The following CPA6 variants were observed in gnomAD, a reference collection of about 807,000 sequenced individuals.
CPA6 encodes the protein carboxypeptidase A6, also known as carboxypeptidase B.
A neutral mutation model predicts 63.3 loss-of-function variants in CPA6; 58 were observed. The observed-to-expected ratio is 0.92, with a 90% confidence interval of 0.74 to 1.14. The LOEUF (loss-of-function observed/expected upper bound fraction) is 1.14. Among genes scored for constraint, CPA6 ranks in the 50% most tolerant of loss-of-function variants. The pLI is 0.00. For missense variants in CPA6, 565 were observed against 526.6 expected (o/e 1.07, Z -0.71); for synonymous variants, 185 against 179.0 (o/e 1.03, Z -0.27).
At chr8:67,639,701 G>T (rs1178538622) in intron 1 of CPA6, among the ~76,000 whole-genome samples, 1 of 151,602 alleles carries the variant, frequency 6.6e-6, no homozygotes, top group Non-Finnish European at 1.5e-5. Flanking sequence ...CACCCACAAC[G>T]TGGTGAGCAA....
intron 2 of CPA6, among the ~76,000 whole-genome samples, chr8:67,601,915 A>G (rs1166484410): frequency 3.9e-5 from 6 of 152,186 alleles, no homozygotes; most frequent in Non-Finnish European, 5.9e-5. Context: ...ACTTTCTATC[A>G]TGTTCTTCCT....
intron 2 of CPA6, among the ~76,000 whole-genome samples, chr8:67,594,176 GA>G (rs1814222020): frequency 6.6e-6 from 1 of 152,162 alleles, no homozygotes; most frequent in Admixed American, 6.5e-5. Flanking sequence ...ATTCTGGGTT[GA>G]AAATTCTTTT....
At chr8:67,443,134 C>CT (rs749432603) in intron 8 of CPA6, among the ~76,000 whole-genome samples, 1 of 151,644 alleles carries the variant, frequency 6.6e-6, no homozygotes, top group Non-Finnish European at 1.5e-5. Context: ...ATGATCTTGG[C>CT]TCACTGCAAC....
chr8:67,737,898 T>A (rs1405796482), intron 1 of CPA6, among the ~76,000 whole-genome samples: 2 of 152,218 alleles, frequency 1.3e-5, no homozygotes, highest in Non-Finnish European at 2.9e-5. Flanking sequence ...GTGCTAGCTC[T>A]GCCAATCCTT....
chr8:67,440,763 T>C (rs940505387), intron 8 of CPA6, among the ~76,000 whole-genome samples: 4 of 152,066 alleles, frequency 2.6e-5, no homozygotes, highest in African/African-American at 9.7e-5. Flanking sequence ...TATTTGTGTA[T>C]CTAAACATGG....
At chr8:67,679,962 G>A (rs1302053692) in intron 1 of CPA6, among the ~76,000 whole-genome samples, 1 of 152,104 alleles carries the variant, frequency 6.6e-6, no homozygotes, top group Non-Finnish European at 1.5e-5. Context: ...GTTTTTCATG[G>A]TAGCCATGGA....
intron 2 of CPA6, among the ~76,000 whole-genome samples, chr8:67,531,230 T>C (rs1472378483): frequency 3.9e-5 from 6 of 151,980 alleles, no homozygotes; most frequent in African/African-American, 1.4e-4. Context: ...ATGTAAGGTA[T>C]CTAGAAAGCA....
chr8:67,599,021 T>C (rs1400116067), intron 2 of CPA6, among the ~76,000 whole-genome samples: 1 of 152,194 alleles, frequency 6.6e-6, no homozygotes, highest in Non-Finnish European at 1.5e-5. Flanking sequence ...ATTATTATAA[T>C]ACTTAATATT....
rs541593272 is a variant in CPA6 at position 67,679,959 on chromosome 8, A to T, written c.117-55708T>A. 2.6e-5 allele frequency among the ~76,000 whole-genome samples: 4 copies of T among 152,276 alleles called. No homozygotes were observed. The East Asian group carries it at 5.8e-4, about 22-fold the overall frequency. On this transcript the variant is annotated intron_variant, in intron 1 of 10. Transcript: ENST00000297770. ...TATTAGGAGCTGTGTATCGTTTTTC[A>T]TGGTAGCCATGGAGGATGAGGCACA...
intron 1 of CPA6, among the ~76,000 whole-genome samples, chr8:67,695,693 C>T (rs1816900751): frequency 6.6e-6 from 1 of 152,192 alleles, no homozygotes; most frequent in Admixed American, 6.5e-5. Context: ...GGTGAAATGG[C>T]ATTTTGAAGA....
Position 67,617,113 on chromosome 8 carries a change from C to G in CPA6, c.192+7063G>C, listed in dbSNP as rs188477732. On this transcript the variant is annotated intron_variant, in intron 2 of 10. Transcript: ENST00000297770. ...AAAGAAACACGATCAGCTTAAAATA[C>G]TACTGCATAAGCCGAAGGTCATGTC... Among the ~76,000 whole-genome samples, 13 of 152,298 alleles carry G rather than the reference C, an allele frequency of 8.5e-5. No individual in the cohort carries two copies. In the East Asian group the frequency reaches 2.5e-3, roughly 29 times the overall value.
chr8:67,648,259 T>TA (rs1491144685), intron 1 of CPA6, among the ~76,000 whole-genome samples: 1 of 21,404 alleles, frequency 4.7e-5, no homozygotes, highest in Non-Finnish European at 8.3e-5. Flanking sequence ...CTAGATTAGG[T>TA]TTTTTTTTTT....
At chr8:67,575,744 G>A (rs527878856) in intron 2 of CPA6, among the ~76,000 whole-genome samples, 2 of 151,962 alleles carry the variant, frequency 1.3e-5, no homozygotes, top group African/African-American at 2.4e-5. Context: ...TGTAATCCCA[G>A]CTACCTGGGA....
chr8:67,525,071 G>T (rs1364496182), intron 2 of CPA6, among the ~76,000 whole-genome samples: 1 of 152,094 alleles, frequency 6.6e-6, no homozygotes, highest in Non-Finnish European at 1.5e-5. Flanking sequence ...CTTATGACTT[G>T]CCAACATTTC....
At chr8:67,658,221 G>A (rs1417319090) in intron 1 of CPA6, among the ~76,000 whole-genome samples, 1 of 152,066 alleles carries the variant, frequency 6.6e-6, no homozygotes, top group Non-Finnish European at 1.5e-5. Context: ...TCTGAGGTTT[G>A]CCACTGCTTT....
At chr8:67,580,428 C>T (rs1813741520) in intron 2 of CPA6, among the ~76,000 whole-genome samples, 1 of 152,184 alleles carries the variant, frequency 6.6e-6, no homozygotes, top group Non-Finnish European at 1.5e-5. Context: ...TGTTGAGATG[C>T]TTCCAGACTA....
chr8:67,605,531 C>CT (rs68153641), intron 2 of CPA6, among the ~76,000 whole-genome samples: 5,056 of 125,138 alleles, frequency 0.04, 171 homozygotes, highest in Non-Finnish European at 0.058. Context: ...TATTGTATTG[C>CT]TTTTTTTTTT....
intron 6 of CPA6, among the ~76,000 whole-genome samples, chr8:67,500,298 C>T (rs998719379): frequency 1.3e-5 from 2 of 152,148 alleles, no homozygotes; most frequent in Non-Finnish European, 2.9e-5. Flanking sequence ...CCAACGACAT[C>T]TTTTTTGCGT....
intron 1 of CPA6, among the ~76,000 whole-genome samples, chr8:67,727,480 C>T (rs1291632863): frequency 6.6e-6 from 1 of 152,154 alleles, no homozygotes; most frequent in Non-Finnish European, 1.5e-5. Flanking sequence ...GCCTCTGGAA[C>T]TTCCCTTATC....
Sources: gnomAD v4.1 joint callset for allele counts (sites outside exome capture counted in the v4.1 genomes callset) on GRCh38, gnomAD v4.1.1 for gene constraint, MANE v1.5 for transcripts, NCBI Gene and HGNC (gene_info 2026-07-23, HGNC 2026-07-21) for gene names.